EEF1AKMT1: variants seen among roughly 807,000 people sequenced by gnomAD.
The protein encoded by EEF1AKMT1 is EEF1A lysine methyltransferase 1.
In EEF1AKMT1, 18 loss-of-function variants were observed where a neutral mutation model predicts 21.0. The ratio of observed to expected loss-of-function variants is 0.86; its 90% CI spans 0.59 to 1.27. The LOEUF is 1.27. Ranked by LOEUF, EEF1AKMT1 falls within the 50% of genes most tolerant of loss-of-function variation. The pLI, the probability that EEF1AKMT1 is intolerant of heterozygous loss-of-function variation, is 0.00. For missense variants in EEF1AKMT1, 246 were observed against 258.6 expected (o/e 0.95, Z 0.33); for synonymous variants, 109 against 94.8 (o/e 1.15, Z -0.87).
At chr13:20,748,265 C>T (rs1171204090) in intron 2 of EEF1AKMT1, among the ~76,000 whole-genome samples, 1 of 152,088 alleles carries the variant, frequency 6.6e-6, no homozygotes, top group Admixed American at 6.5e-5. Context: ...GAAACCCCGT[C>T]TCTACTAAAA....
At chr13:20,741,954 A>C (rs1407633709) in intron 2 of EEF1AKMT1, among the ~76,000 whole-genome samples, 1 of 152,206 alleles carries the variant, frequency 6.6e-6, no homozygotes, top group Non-Finnish European at 1.5e-5. Context: ...AGAAACTTAC[A>C]CTTGACCCTT....
chr13:20,766,430 T>C (rs979873499), intron 1 of EEF1AKMT1, among the ~76,000 whole-genome samples: 3 of 152,056 alleles, frequency 2.0e-5, no homozygotes, highest in Non-Finnish European at 4.4e-5. Flanking sequence ...AGTATAAATA[T>C]ATTCACTACA....
intron 2 of EEF1AKMT1, among the ~76,000 whole-genome samples, chr13:20,744,238 T>C (rs898832042): frequency 3.9e-5 from 6 of 152,238 alleles, no homozygotes; most frequent in Non-Finnish European, 7.3e-5. Context: ...TTTCTCGTTC[T>C]AGAGCCTTGA....
intron 2 of EEF1AKMT1, 109 bp from the exon 3 acceptor site, chr13:20,737,914 T>C (rs919169291): frequency 2.9e-6 from 2 of 679,966 alleles, no homozygotes; most frequent in Non-Finnish European, 4.8e-6. Flanking sequence ...TTTTAATTTA[T>C]ATATAATCTA....
At chr13:20,729,975 C>T (rs767406060) in intron 4 of EEF1AKMT1, among the ~76,000 whole-genome samples, 2 of 152,190 alleles carry the variant, frequency 1.3e-5, no homozygotes, top group Non-Finnish European at 2.9e-5. Context: ...TGAAGAAAAC[C>T]CCAATGCCCA....
At chr13:20,734,211 C>A (rs1053657240) in intron 3 of EEF1AKMT1, among the ~76,000 whole-genome samples, 7 of 152,282 alleles carry the variant, frequency 4.6e-5, no homozygotes, top group African/African-American at 1.7e-4. Context: ...AACAAAATTG[C>A]CTCCAGCAGG....
At chr13:20,746,711 A>G (rs1016279144) in intron 2 of EEF1AKMT1, among the ~76,000 whole-genome samples, 2 of 152,206 alleles carry the variant, frequency 1.3e-5, no homozygotes, top group African/African-American at 2.4e-5. Flanking sequence ...ATATCATTCC[A>G]TAAAGATAAA....
chr13:20,753,331 A>G (rs2058953215), intron 2 of EEF1AKMT1, among the ~76,000 whole-genome samples: 1 of 152,076 alleles, frequency 6.6e-6, no homozygotes, highest in African/African-American at 2.4e-5. Flanking sequence ...AATTGTTGAG[A>G]CTTGTTTTCT....
intron 3 of EEF1AKMT1, 133 bp downstream of exon 3, chr13:20,737,590 C>T (rs909482745): frequency 5.7e-6 from 4 of 697,782 alleles, no homozygotes; most frequent in Non-Finnish European, 9.5e-6. Context: ...TGGTCTTAAT[C>T]TGTCATATGC....
intron 2 of EEF1AKMT1, among the ~76,000 whole-genome samples, chr13:20,738,028 G>A (rs1319509570): frequency 1.3e-5 from 2 of 152,058 alleles, no homozygotes; most frequent in Non-Finnish European, 2.9e-5. Flanking sequence ...ATGAAATCTA[G>A]GCACTGAGTA....
At chr13:20,772,428 G>A (rs562966343) in intron 1 of EEF1AKMT1, among the ~76,000 whole-genome samples, 16 of 152,286 alleles carry the variant, frequency 1.1e-4, no homozygotes, top group African/African-American at 3.4e-4. Context: ...AAATGGGAAG[G>A]AGGGTGCTAC....
chr13:20,773,637 C>T (rs1408346790), intron 1 of EEF1AKMT1, among the ~76,000 whole-genome samples: 1 of 152,262 alleles, frequency 6.6e-6, no homozygotes, highest in East Asian at 1.9e-4. Flanking sequence ...AGCACCAAGG[C>T]TGCCTAAGGC....
intron 1 of EEF1AKMT1, among the ~76,000 whole-genome samples, chr13:20,766,298 C>CAAAAAAAAAAAAAAAAAGAAAAAAAAA: frequency 1.3e-5 from 1 of 76,766 alleles, no homozygotes; most frequent in Non-Finnish European, 2.3e-5. Flanking sequence ...GACTCCATCT[C>CAAAAAAAAAAAAAAAAAGAAAAAAAAA]AAAAAAAAAA....
At chr13:20,760,587 G>A (rs1440192226) in intron 1 of EEF1AKMT1, among the ~76,000 whole-genome samples, 1 of 152,030 alleles carries the variant, frequency 6.6e-6, no homozygotes, top group Admixed American at 6.6e-5. Flanking sequence ...TACCCTATCA[G>A]ATATTATGTT....
chr13:20,745,294 T>C (rs1268630637), intron 2 of EEF1AKMT1, among the ~76,000 whole-genome samples: 1 of 152,228 alleles, frequency 6.6e-6, no homozygotes, highest in Non-Finnish European at 1.5e-5. Flanking sequence ...TTTCAAAATA[T>C]TGATTCTTCC....
intron 1 of EEF1AKMT1, among the ~76,000 whole-genome samples, chr13:20,772,462 C>T (rs1483674870): frequency 6.6e-6 from 1 of 152,140 alleles, no homozygotes; most frequent in Non-Finnish European, 1.5e-5. Flanking sequence ...GTAGAGGCTG[C>T]TGAACTTAAA....
intron 1 of EEF1AKMT1, among the ~76,000 whole-genome samples, chr13:20,769,609 C>T (rs960455552): frequency 2.6e-5 from 4 of 152,032 alleles, no homozygotes; most frequent in East Asian, 1.9e-4. Context: ...GTTTACAACT[C>T]GTGCTGATCC....
chr13:20,767,368 A>G (rs2059041103), intron 1 of EEF1AKMT1, among the ~76,000 whole-genome samples: 1 of 150,596 alleles, frequency 6.6e-6, no homozygotes, highest in African/African-American at 2.4e-5. Context: ...TTCTGCTTGA[A>G]TGACTTCGTT....
intron 1 of EEF1AKMT1, among the ~76,000 whole-genome samples, chr13:20,767,305 C>CAA (rs61703956): frequency 0.023 from 927 of 40,246 alleles, 50 homozygotes; most frequent in African/African-American, 0.043. Flanking sequence ...GATTCTGTCT[C>CAA]AAAAAAAAAA....
Sources: allele counts gnomAD v4.1 joint callset (sites outside exome capture counted in the v4.1 genomes callset), GRCh38; gene constraint gnomAD v4.1.1; transcripts MANE v1.5; gene names NCBI Gene and HGNC (gene_info 2026-07-23, HGNC 2026-07-21).